ENPP1: variants seen among roughly 807,000 people sequenced by gnomAD.
ENPP1 encodes ectonucleotide pyrophosphatase/phosphodiesterase 1.
ENPP1 carries 73 observed loss-of-function variants against 122.8 expected under a neutral mutation model. The ratio of observed to expected loss-of-function variants is 0.59; its 90% confidence interval spans 0.49 to 0.72. The LOEUF is 0.72. ENPP1 is among the 30% of genes least tolerant of loss of function. The probability of loss-of-function intolerance (pLI) is 0.00; values close to 1 mark genes in which losing one functional copy is unlikely to be tolerated. For missense variants in ENPP1, 978 were observed against 1,128.1 expected (o/e 0.87, Z 1.91); for synonymous variants, 367 against 391.6 (o/e 0.94, Z 0.74).
intron 1 of ENPP1, among the ~76,000 whole-genome samples, chr6:131,832,795 G>T (rs577160834): frequency 6.6e-6 from 1 of 152,158 alleles, no homozygotes; most frequent in Non-Finnish European, 1.5e-5. Flanking sequence ...CTCTGTGCAC[G>T]GAATGGTTGG....
rs1041633356 is a variant in ENPP1 at position 131,810,224 on chromosome 6, A to T, written c.240+1949A>T. ...GATACAAAAATTAGCTGGGTATGGT[A>T]GCATGCGTCTATGTCCCAGCTACTT... On this transcript the variant is annotated intron_variant, in intron 1 of 24. Transcript: ENST00000647893. Among the ~76,000 whole-genome samples, 6 of 152,120 alleles carry T rather than the reference A, an allele frequency of 3.9e-5. No homozygotes were observed. The South Asian group carries it at 1.2e-3, about 31-fold the overall frequency.
chr6:131,876,884 G>A, intron 17 of ENPP1, 108 bp from the exon 18 acceptor site: 4 of 957,882 alleles, frequency 4.2e-6, no homozygotes, highest in Middle Eastern at 6.2e-4. Flanking sequence ...TAGTTAAAGA[G>A]TAAATGACTC....
At chr6:131,858,393 T>C (rs901686913) in intron 6 of ENPP1, among the ~76,000 whole-genome samples, 2 of 152,246 alleles carry the variant, frequency 1.3e-5, no homozygotes, top group African/African-American at 4.8e-5. Flanking sequence ...AGCATCATTT[T>C]ATTATAACTT....
chr6:131,828,502 G>A (rs1781573818), intron 1 of ENPP1: 1 of 216,490 alleles, frequency 4.6e-6, no homozygotes, highest in Non-Finnish European at 9.1e-6. Context: ...ACCTTTTGAA[G>A]TTTCTTAGAC....
chr6:131,875,086 G>A (rs62424514), intron 16 of ENPP1, among the ~76,000 whole-genome samples: 3,031 of 152,208 alleles, frequency 0.02, 46 homozygotes, highest in Non-Finnish European at 0.028. Context: ...GAGTGTGAGG[G>A]ATGAAATACC....
At chr6:131,848,709 T>C (rs1781844017) in intron 2 of ENPP1, among the ~76,000 whole-genome samples, 1 of 152,166 alleles carries the variant, frequency 6.6e-6, no homozygotes, top group African/African-American at 2.4e-5. Context: ...ACATACAAAT[T>C]AAAAATGAAA....
At position 131,864,439 on chromosome 6, in the gene ENPP1, A is replaced by G. The variant is rs1348244609; in HGVS notation, c.1026-67A>G. The G allele has an allele frequency of 9.3e-6, 10 of 1,072,122 alleles. No homozygotes were observed. In the East Asian group the frequency reaches 2.1e-4, roughly 23 times the overall value. 66.4% of individuals were successfully genotyped at this position (1,072,122 alleles called of 1,614,324 possible). ...TAGCTCTTAATGACATTTTCAATGA[A>G]AAAAACTATATTTTACACCCAAACA... is the stretch of plus-strand genomic sequence containing the variant. On this transcript the variant is annotated intron_variant, in intron 9 of 24. Transcript: ENST00000647893.
intron 24 of ENPP1, among the ~76,000 whole-genome samples, chr6:131,888,654 A>G (rs1370889304): frequency 6.6e-6 from 1 of 152,140 alleles, no homozygotes; most frequent in Non-Finnish European, 1.5e-5. Context: ...CACATTTCTC[A>G]TTATTTTTCC....
intron 11 of ENPP1, among the ~76,000 whole-genome samples, 177 bp downstream of exon 11, chr6:131,865,115 A>C (rs1782073208): frequency 6.6e-6 from 1 of 152,242 alleles, no homozygotes; most frequent in Non-Finnish European, 1.5e-5. Context: ...AGTTGGGAGA[A>C]TTGTTTAGCC....
At position 131,817,459 on chromosome 6, in the gene ENPP1, A is replaced by G. The variant is rs545265729; in HGVS notation, c.240+9184A>G. Among the ~76,000 whole-genome samples the G allele has an allele frequency of 1.1e-3, 174 of 152,302 alleles. 5 individuals carry two copies. The highest frequency in any genetic ancestry group is 0.01 in the Middle Eastern group (3 of 294). ...GCACTTTATTAGTGTGAAGTCAACAATCAGCTGTTTCTGGGAGCTTCCAAA... is the reference window on the plus strand; with the variant it reads ...GCACTTTATTAGTGTGAAGTCAACAGTCAGCTGTTTCTGGGAGCTTCCAAA... On this transcript the variant is annotated intron_variant, in intron 1 of 24. Coordinates refer to ENST00000647893, the MANE Select transcript of ENPP1 (RefSeq NM_006208.3).
chr6:131,887,233 A>C (rs192173789), intron 24 of ENPP1, among the ~76,000 whole-genome samples: 1 of 151,992 alleles, frequency 6.6e-6, no homozygotes, highest in East Asian at 1.9e-4. Flanking sequence ...CAACATTTCA[A>C]ATTTTCTGTG....
chr6:131,819,941 T>C, intron 1 of ENPP1: 1 of 453,792 alleles, frequency 2.2e-6, no homozygotes, highest in Non-Finnish European at 4.2e-6. Flanking sequence ...CATAGCTTCT[T>C]TTTTTTTTTT....
rs1782476418 is a variant in ENPP1 at position 131,891,862 on chromosome 6, A to G, written c.*1351A>G. ...TAGGTAATTTTATTCTTCTGTCTCGAAGCTCACTGATTCTTTATTCTGTCT... is the reference window on the plus strand; with the variant it reads ...TAGGTAATTTTATTCTTCTGTCTCGGAGCTCACTGATTCTTTATTCTGTCT... On this transcript the variant is annotated 3_prime_UTR_variant, in exon 25 of 25. Coordinates refer to ENST00000647893, the MANE Select transcript of ENPP1 (RefSeq NM_006208.3). 1 of 149,822 alleles carries G rather than the reference A, an allele frequency of 6.7e-6. No individual in the cohort carries two copies. Among genetic ancestry groups the G allele is most frequent in the African/African-American group, 2.5e-5 (1 of 40,802 alleles). The allele number at this position is 149,822 out of a possible 1,614,324, so 9.3% of individuals were successfully genotyped here. A position where few individuals can be genotyped will look rare whatever the true frequency, so the allele number is the denominator to read the frequency against.
rs185618435 is a variant in ENPP1, at chr6:131,886,984, G to A, written c.2607+260G>A. Among the ~76,000 whole-genome samples the A allele has an allele frequency of 3.2e-3, 421 of 129,786 alleles. 3 individuals are homozygous for A. Among genetic ancestry groups the A allele is most frequent in the Non-Finnish European group, 5.0e-3 (313 of 63,122 alleles). The allele number at this position is 129,786 out of a possible 152,430, so 85.1% of individuals were successfully genotyped here. A position where few individuals can be genotyped will look rare whatever the true frequency, so the allele number is the denominator to read the frequency against. On this transcript the variant is annotated intron_variant, in intron 24 of 24. Coordinates refer to ENST00000647893, the MANE Select transcript of ENPP1 (RefSeq NM_006208.3). ...TTTCTATGTTGCCCAGGCTGGTCTT[G>A]AACTCCTGGCCTCTTATGATCCTCC...
At chr6:131,858,609 A>G (rs1172787361) in intron 6 of ENPP1, 59 bp from the exon 7 acceptor site, 2 of 1,129,786 alleles carry the variant, frequency 1.8e-6, no homozygotes, top group African/African-American at 1.5e-5. Flanking sequence ...CCACTGCTAA[A>G]TGAGGTAAGC....
Position 131,836,573 on chromosome 6 carries a change from C to G in ENPP1, c.241-11203C>G, listed in dbSNP as rs143906675. On this transcript the variant is annotated intron_variant, in intron 1 of 24. Transcript: ENST00000647893. ...CCTGCTACTGATTTTCCCCACTTAC[C>G]AAATAATAGAAGAACTTGGCGTTTT... Among the ~76,000 whole-genome samples, 460 of 152,210 alleles carry G rather than the reference C, an allele frequency of 3.0e-3. 5 individuals carry two copies. Among genetic ancestry groups the G allele is most frequent in the African/African-American group, 0.011 (444 of 41,520 alleles).
Position 131,893,957 on chromosome 6 carries a change from T to C in ENPP1, c.*3446T>C, listed in dbSNP as rs1368881545. On this transcript the variant is annotated 3_prime_UTR_variant, in exon 25 of 25. Transcript: ENST00000647893. ...TTTATTTATCTTGATTTCTTTTTTT[T>C]TTTTTTTTTTTTTTTTTTTTTTGAG... is the stretch of plus-strand genomic sequence containing the variant. 1.9e-5 allele frequency: 2 copies of C among 103,264 alleles called. No homozygotes were observed. Among genetic ancestry groups the C allele is most frequent in the East Asian group, 4.8e-4 (2 of 4,168 alleles). The allele number at this position is 103,264 out of a possible 1,614,324, so 6.4% of individuals were successfully genotyped here.
intron 1 of ENPP1, among the ~76,000 whole-genome samples, chr6:131,835,308 G>A (rs920262261): frequency 1.3e-5 from 2 of 152,070 alleles, no homozygotes; most frequent in African/African-American, 4.8e-5. Flanking sequence ...GTCATTACCA[G>A]CTCCCATGAG....
intron 2 of ENPP1, among the ~76,000 whole-genome samples, chr6:131,849,565 C>A (rs1414116361): frequency 4.6e-5 from 7 of 152,146 alleles, no homozygotes; most frequent in African/African-American, 1.4e-4. Flanking sequence ...ATATTCTTAA[C>A]CACTTCTAAA....
Sources: gnomAD v4.1 joint callset for allele counts (sites outside exome capture counted in the v4.1 genomes callset) on GRCh38, gnomAD v4.1.1 for gene constraint, MANE v1.5 for transcripts, NCBI Gene and HGNC (gene_info 2026-07-23, HGNC 2026-07-21) for gene names.